The following TMEM258 variants were observed in gnomAD, a reference collection of about 807,000 sequenced individuals.
The protein encoded by TMEM258 is transmembrane protein 258, also known as dolichyl-diphosphooligosaccharide--protein glycosyltransferase subunit TMEM258.
In TMEM258, 11 loss-of-function variants were observed where a neutral mutation model predicts 9.9. The observed-to-expected ratio is 1.11, with a 90% confidence interval of 0.70 to 1.85. TMEM258 has a LOEUF of 1.85. Among genes scored for constraint, TMEM258 ranks in the 40% most tolerant of loss-of-function variants. The probability of loss-of-function intolerance (pLI) is 0.00; values close to 1 mark genes in which losing one functional copy is unlikely to be tolerated. For missense variants in TMEM258, 81 were observed against 99.7 expected, an observed-to-expected ratio of 0.81 and a Z score of 0.80; for synonymous variants, 40 against 39.1, an observed-to-expected ratio of 1.02 and a Z score of -0.09.
At chr11:61,790,659 A>G (rs1380000518) in intron 1 of TMEM258, 57 bp from the exon 2 acceptor site, 6 of 1,486,400 alleles carry the variant, frequency 4.0e-6, no homozygotes, top group Non-Finnish European at 5.5e-6. Context: ...CAGCCTGGAG[A>G]GAACATGCGG....
rs2066771029 is a variant in TMEM258, at chr11:61,790,029, C to G, written c.114-108G>C. ...CATTGGCTCAATGCCTTCTGGGAGG[C>G]CTATCTGGCTCAGAGCAGCCAGGCA... On this transcript the variant is annotated intron_variant, in intron 2 of 3. Transcript: ENST00000537328. 2.1e-6 allele frequency: 3 copies of G among 1,406,222 alleles called. No individual in the cohort carries two copies. The Admixed American group carries it at 7.6e-5, about 36-fold the overall frequency. 87.1% of individuals were successfully genotyped at this position (1,406,222 alleles called of 1,614,324 possible).
At chr11:61,790,059 G>A in intron 2 of TMEM258, 138 bp from the exon 3 acceptor site, 1 of 1,086,476 alleles carries the variant, frequency 9.2e-7, no homozygotes, top group Non-Finnish European at 1.3e-6. Context: ...CAGGCAGAGG[G>A]GCCTAAGAGA....
chr11:61,789,984 C>T (rs547803115), intron 2 of TMEM258, 63 bp from the exon 3 acceptor site: 76 of 1,554,228 alleles, frequency 4.9e-5, no homozygotes, highest in South Asian at 3.0e-4. Flanking sequence ...GCCCAGCCCA[C>T]GGCAATCTGA....
At chr11:61,791,688 T>C (rs1437768533) in intron 1 of TMEM258, 1 of 152,236 alleles carries the variant, frequency 6.6e-6, no homozygotes, top group Admixed American at 6.5e-5. Context: ...TAATATCTAT[T>C]TCACAGAACT....
Position 61,789,106 on chromosome 11 carries a change from T to C in TMEM258, c.*140A>G. The C allele has an allele frequency of 6.5e-6, 1 of 152,834 alleles. No individual in the cohort carries two copies. The allele number at this position is 152,834 out of a possible 1,614,324, so 9.5% of individuals were successfully genotyped here. On this transcript the variant is annotated 3_prime_UTR_variant, in exon 4 of 4. Transcript: ENST00000537328. ...TGTAGGTCCCAGCACCCACCACCCC[T>C]GCAGAATGGGCCCCAGACAGGACTG...
intron 1 of TMEM258, chr11:61,792,213 A>C (rs559002130): frequency 9.9e-5 from 36 of 362,026 alleles, no homozygotes; most frequent in Non-Finnish European, 1.5e-4. Flanking sequence ...TGAGAGTTGG[A>C]AGTGCTTCAC....
intron 2 of TMEM258, 98 bp downstream of exon 2, chr11:61,790,395 A>C (rs778896896): frequency 9.4e-7 from 1 of 1,060,588 alleles, no homozygotes; most frequent in South Asian, 1.4e-5. Flanking sequence ...CCCCAATCCA[A>C]TGTACAAAAC....
chr11:61,790,154 G>A, intron 2 of TMEM258: 1 of 588,456 alleles, frequency 1.7e-6, no homozygotes, highest in Non-Finnish European at 3.0e-6. Flanking sequence ...CACAGCTCAT[G>A]AGGGCCGGAG....
At position 61,790,410 on chromosome 11, in the gene TMEM258, G is replaced by A. The variant is rs572183108; in HGVS notation, c.113+83C>T. ...CCCCAATCCAATGTACAAAACCGGC[G>A]GGGTCCATGTACCTAGCGTGGTTTC... is the stretch of plus-strand genomic sequence containing the variant. On this transcript the variant is annotated intron_variant, in intron 2 of 3. Coordinates refer to ENST00000537328, the MANE Select transcript of TMEM258 (RefSeq NM_014206.4). The A allele has an allele frequency of 2.2e-4, 261 of 1,211,434 alleles. No individual in the cohort carries two copies. The East Asian group carries it at 3.8e-3, about 18-fold the overall frequency. 75.0% of individuals were successfully genotyped at this position (1,211,434 alleles called of 1,614,324 possible).
chr11:61,790,693 G>A (rs1326662646), intron 1 of TMEM258, 91 bp from the exon 2 acceptor site: 9 of 1,101,574 alleles, frequency 8.2e-6, no homozygotes, highest in Non-Finnish European at 1.2e-5. Context: ...TGGTGCTGCC[G>A]TGAAACAGAG....
rs776449811 is a variant in TMEM258, at chr11:61,789,841, C to T, written c.194G>A (p.Gly65Asp). ...GAGCAGCAGGAAGAGGACTCCAAAG[C>T]CCATGAAGAGTGAGGCCACTAAGGA... ...LISLVASLFMGFGVLFLLLWV... is the reference protein window; with the variant it reads ...LISLVASLFMDFGVLFLLLWV... Residue 65 changes from glycine to aspartate, a missense_variant, in exon 3 of 4, where the codon GGC becomes GAC. Gly to Asp is a moderately conservative substitution (Grantham distance 94). Coordinates refer to ENST00000537328, the MANE Select transcript of TMEM258 (RefSeq NM_014206.4). 8.1e-6 allele frequency: 13 copies of T among 1,613,646 alleles called. No individual in the cohort carries two copies. Among genetic ancestry groups the T allele is most frequent in the South Asian group, 2.2e-5 (2 of 90,982 alleles).
chr11:61,789,436 C>G (rs1187857975), intron 3 of TMEM258, among the ~76,000 whole-genome samples: 1 of 152,226 alleles, frequency 6.6e-6, no homozygotes, highest in East Asian at 1.9e-4. Flanking sequence ...TTTCAGCCAG[C>G]TGACTTCCCA....
chr11:61,789,968 CAG>C, intron 2 of TMEM258, 47 bp from the exon 3 acceptor site: 2 of 1,587,972 alleles, frequency 1.3e-6, no homozygotes, highest in Non-Finnish European at 1.7e-6. Flanking sequence ...CTGTGGAGTG[CAG>C]AGAGCCCAGC....
chr11:61,789,700 T>C, intron 3 of TMEM258, 85 bp downstream of exon 3: 1 of 1,458,340 alleles, frequency 6.9e-7, no homozygotes, highest in Non-Finnish European at 9.1e-7. Flanking sequence ...GTAAGAGCTT[T>C]AAGGACCCTG....
chr11:61,789,012 A>G lies in TMEM258; in HGVS notation c.*234T>C, dbSNP rs2135924975. 1 of 152,430 alleles carries G rather than the reference A, an allele frequency of 6.6e-6. No homozygotes were observed. Among genetic ancestry groups the G allele is most frequent in the South Asian group, 2.1e-4 (1 of 4,830 alleles). The allele number at this position is 152,430 out of a possible 1,614,324, so 9.4% of individuals were successfully genotyped here. ...GTGCTACACAAATCTCATCCCCCTT[A>G]AGTAGATCAGCAGCAGGAACTGTGA... On this transcript the variant is annotated 3_prime_UTR_variant, in exon 4 of 4. Coordinates refer to ENST00000537328, the MANE Select transcript of TMEM258 (RefSeq NM_014206.4).
At chr11:61,790,788 C>T (rs774887214) in intron 1 of TMEM258, among the ~76,000 whole-genome samples, 186 bp from the exon 2 acceptor site, 8 of 152,118 alleles carry the variant, frequency 5.3e-5, no homozygotes, top group Non-Finnish European at 1.2e-4. Context: ...ACTATGAAAA[C>T]GTGACTAAAG....
chr11:61,789,821 G>GC lies in TMEM258; in HGVS notation c.213dup (p.Leu72AlafsTer14). On this transcript the variant is annotated frameshift_variant, in exon 3 of 4. Transcript: ENST00000537328. LOFTEE classifies it high-confidence loss of function. ...CACACGTAGATGCCAACCCAGAGCA[G>GC]CAGGAAGAGGACTCCAAAGCCCATG... 1 of 1,613,652 alleles carries GC rather than the reference G, an allele frequency of 6.2e-7. No individual in the cohort carries two copies. The highest frequency in any genetic ancestry group is 8.5e-7 in the Non-Finnish European group (1 of 1,179,774).
intron 1 of TMEM258, among the ~76,000 whole-genome samples, chr11:61,790,852 T>C (rs1225274590): frequency 6.6e-6 from 1 of 152,146 alleles, no homozygotes; most frequent in African/African-American, 2.4e-5. Context: ...TTGCCTACAA[T>C]TTCCGGAGCT....
At chr11:61,792,444 C>G in intron 1 of TMEM258, 112 bp downstream of exon 1, 1 of 1,501,162 alleles carries the variant, frequency 6.7e-7, no homozygotes, top group South Asian at 1.1e-5. Flanking sequence ...GCCGGAGGTT[C>G]CAGGAGCGTC....
Sources: allele counts gnomAD v4.1 joint callset (sites outside exome capture counted in the v4.1 genomes callset), GRCh38; gene constraint gnomAD v4.1.1; transcripts MANE v1.5; gene names NCBI Gene and HGNC (gene_info 2026-07-23, HGNC 2026-07-21).